NIPBL: variants seen among roughly 807,000 people sequenced by gnomAD.
NIPBL encodes nipped-B-like protein.
NIPBL carries 19 observed loss-of-function variants against 321.8 expected under a neutral mutation model. That is an observed-to-expected ratio of 0.06 (90% CI 0.04 to 0.09). The LOEUF (loss-of-function observed/expected upper bound fraction) is 0.09, where lower values mean the gene tolerates loss of function less well. Ranked by LOEUF, NIPBL falls within the 10% of genes least tolerant of loss-of-function variation. The probability of loss-of-function intolerance (pLI) is 1.00; values close to 1 mark genes in which losing one functional copy is unlikely to be tolerated. For missense variants in NIPBL, 2,210 were observed against 3,327.0 expected, an observed-to-expected ratio of 0.66 and a Z score of 8.26; for synonymous variants, 1,106 against 1,114.1, an observed-to-expected ratio of 0.99 and a Z score of 0.14.
chr5:36,914,632 C>T (rs1012036762), intron 1 of NIPBL, among the ~76,000 whole-genome samples: 1 of 152,134 alleles, frequency 6.6e-6, no homozygotes, highest in Non-Finnish European at 1.5e-5. Context: ...TATCTCATTA[C>T]GTATATGCAC....
At chr5:36,994,884 T>TTC (rs397945851) in intron 10 of NIPBL, among the ~76,000 whole-genome samples, 2 of 151,748 alleles carry the variant, frequency 1.3e-5, no homozygotes, top group African/African-American at 4.8e-5. Flanking sequence ...CCTTGACTCT[T>TTC]GTGGGAAGAT....
At chr5:36,970,090 A>G (rs1742685587) in intron 6 of NIPBL, among the ~76,000 whole-genome samples, 1 of 152,196 alleles carries the variant, frequency 6.6e-6, no homozygotes, top group African/African-American at 2.4e-5. Context: ...ATTATTTAAA[A>G]TAAATGAATT....
chr5:37,009,647 A>G (rs867769587), intron 20 of NIPBL, among the ~76,000 whole-genome samples: 4 of 152,238 alleles, frequency 2.6e-5, no homozygotes, highest in Non-Finnish European at 4.4e-5. Flanking sequence ...TTGATTTTTT[A>G]TAATCTGTGC....
At chr5:36,895,874 G>A (rs188444930) in intron 1 of NIPBL, among the ~76,000 whole-genome samples, 30 of 152,212 alleles carry the variant, frequency 2.0e-4, no homozygotes, top group East Asian at 5.8e-4. Flanking sequence ...TATCAGATAC[G>A]TGATTTGCAA....
chr5:37,046,387 G>C (rs554752713), intron 38 of NIPBL, among the ~76,000 whole-genome samples, 188 bp downstream of exon 38: 49 of 152,218 alleles, frequency 3.2e-4, no homozygotes, highest in Non-Finnish European at 4.1e-4. Flanking sequence ...TGACTTCCTG[G>C]GTAACCTTGA....
intron 6 of NIPBL, among the ~76,000 whole-genome samples, chr5:36,964,954 A>G (rs937432873): frequency 6.6e-6 from 1 of 152,200 alleles, no homozygotes; most frequent in Non-Finnish European, 1.5e-5. Context: ...CATCAGAGAA[A>G]TACAAACAAA....
intron 1 of NIPBL, among the ~76,000 whole-genome samples, chr5:36,894,649 C>T (rs935705139): frequency 2.0e-5 from 3 of 151,854 alleles, no homozygotes; most frequent in Non-Finnish European, 4.4e-5. Flanking sequence ...GTTTTTTTCC[C>T]CCCACTGCGG....
intron 20 of NIPBL, 71 bp from the exon 21 acceptor site, chr5:37,010,016 T>A: frequency 8.2e-7 from 1 of 1,225,584 alleles, no homozygotes; most frequent in Non-Finnish European, 1.2e-6. Context: ...ATCGTGAAAC[T>A]TTCAGACAAT....
intron 10 of NIPBL, among the ~76,000 whole-genome samples, chr5:36,990,164 G>A (rs1489140894): frequency 6.6e-6 from 1 of 152,174 alleles, no homozygotes; most frequent in Non-Finnish European, 1.5e-5. Context: ...CACTGGGAAT[G>A]TATCTAGCAG....
At position 37,051,847 on chromosome 5, in the gene NIPBL, A is replaced by G. The variant is rs781090000; in HGVS notation, c.7023A>G (p.Gln2341=). 2.5e-6 allele frequency: 4 copies of G among 1,613,952 alleles called. No homozygotes were observed. The highest frequency in any genetic ancestry group is 1.7e-6 in the Non-Finnish European group (2 of 1,179,934). ...CTATGCGGAACAAGGCTGATCAGCAACTTGTGGAAATAGACAAAAAATATG... is the reference window on the plus strand; with the variant it reads ...CTATGCGGAACAAGGCTGATCAGCAGCTTGTGGAAATAGACAAAAAATATG... The part of the protein sequence containing the change: ...EPAMRNKADQ[Q]LVEIDKKYAG... The change falls in exon 41 of 47, where the codon CAA becomes CAG. Residue 2341 remains glutamine (Q), a synonymous_variant. Coordinates refer to ENST00000282516, the MANE Select transcript of NIPBL (RefSeq NM_133433.4).
rs190647010 is a variant in NIPBL at position 37,010,064 on chromosome 5, C to T, written c.4422-23C>T. 6,516 of 1,572,752 alleles carry T rather than the reference C, an allele frequency of 4.1e-3. 20 individuals are homozygous for T. Among genetic ancestry groups the T allele is most frequent in the Non-Finnish European group, 5.0e-3 (5,677 of 1,143,456 alleles). ...AATGAGATTATCTTGATACTCCATA[C>T]AAATTTTTTTTCTTCATTAAAGGTT... On this transcript the variant is annotated intron_variant, in intron 20 of 46. Transcript: ENST00000282516.
intron 24 of NIPBL, 93 bp from the exon 25 acceptor site, chr5:37,019,218 T>C (rs535657351): frequency 6.1e-5 from 50 of 822,856 alleles, no homozygotes; most frequent in South Asian, 5.2e-4. Flanking sequence ...ATTTTTAATA[T>C]CAGTTTTTCC....
intron 10 of NIPBL, among the ~76,000 whole-genome samples, chr5:36,987,930 G>C (rs889769666): frequency 6.6e-6 from 1 of 152,082 alleles, no homozygotes; most frequent in African/African-American, 2.4e-5. Flanking sequence ...TTTAGTGAAA[G>C]TTTGGGAGTA....
At chr5:36,955,394 A>T in intron 2 of NIPBL, 78 bp from the exon 3 acceptor site, 1 of 1,214,176 alleles carries the variant, frequency 8.2e-7, no homozygotes, top group Non-Finnish European at 1.2e-6. Context: ...ACTTACTTTT[A>T]ATCCCAAAAT....
At chr5:36,975,424 A>C (rs1016280415) in intron 8 of NIPBL, among the ~76,000 whole-genome samples, 1 of 152,160 alleles carries the variant, frequency 6.6e-6, no homozygotes, top group South Asian at 2.1e-4. Flanking sequence ...AGATGGTCAT[A>C]CCCAAAATAT....
At position 37,007,338 on chromosome 5, in the gene NIPBL, C is replaced by T; in HGVS notation, c.4103C>T (p.Ser1368Leu). Residue 1368 changes from serine to leucine, a missense_variant, in exon 18 of 47, where the codon TCA (serine) becomes TTA (leucine). By Grantham distance (145) the Ser-to-Leu change is moderately radical (BLOSUM62 -2). This residue lies in a region of NIPBL where 381 missense variants were observed against 642.3 expected (regional missense o/e 0.59). Transcript: ENST00000282516. ...TTCATTTTAGGAGGCTTATTAAGTT[C>T]AAAAGCAAAACGGGCTAAATGTTCT... ...LDPHGGGLLSSKAKRAKCSTH... is the reference protein window; with the variant it reads ...LDPHGGGLLSLKAKRAKCSTH... 3.1e-6 allele frequency: 5 copies of T among 1,611,784 alleles called. No homozygotes were observed. Among genetic ancestry groups the T allele is most frequent in the Non-Finnish European group, 4.2e-6 (5 of 1,178,518 alleles).
chr5:37,015,201 G>A (rs925588421), intron 22 of NIPBL, among the ~76,000 whole-genome samples: 1 of 151,774 alleles, frequency 6.6e-6, no homozygotes, highest in African/African-American at 2.4e-5. Flanking sequence ...TCAGCTAACT[G>A]CAACCTCCGC....
chr5:36,900,044 G>A (rs1747082732), intron 1 of NIPBL, among the ~76,000 whole-genome samples: 1 of 152,054 alleles, frequency 6.6e-6, no homozygotes, highest in Non-Finnish European at 1.5e-5. Flanking sequence ...TATATTAATA[G>A]CAATGATGGC....
At chr5:37,042,577 G>A (rs950714128) in intron 34 of NIPBL, among the ~76,000 whole-genome samples, 1 of 151,936 alleles carries the variant, frequency 6.6e-6, no homozygotes, top group East Asian at 1.9e-4. Context: ...AGATCACAAA[G>A]TGTGGAGTTT....
Sources: gnomAD v4.1 joint callset for allele counts (sites outside exome capture counted in the v4.1 genomes callset) on GRCh38, gnomAD v4.1.1 for gene constraint, gnomAD v4.1.1 regional missense constraint, MANE v1.5 for transcripts, NCBI Gene and HGNC (gene_info 2026-07-23, HGNC 2026-07-21) for gene names.